Variants in PRMT9 observed in about 807,000 individuals in gnomAD.
The protein encoded by PRMT9 is protein arginine methyltransferase 9.
A neutral mutation model predicts 83.2 loss-of-function variants in PRMT9; 59 were observed. That is an observed-to-expected ratio of 0.71 (90% CI 0.57 to 0.88). The LOEUF (loss-of-function observed/expected upper bound fraction) is 0.88. Ranked by LOEUF, PRMT9 falls within the 40% of genes least tolerant of loss-of-function variation. PRMT9 has a pLI of 0.00. For synonymous variants in PRMT9, 333 were observed against 353.2 expected (o/e 0.94, Z 0.64); for missense variants, 947 against 1,021.9 (o/e 0.93, Z 1.00).
At chr4:147,648,433 GGCATGGAAGCC>G (rs1249570280) in intron 9 of PRMT9, among the ~76,000 whole-genome samples, 1 of 152,134 alleles carries the variant, frequency 6.6e-6, no homozygotes, top group Non-Finnish European at 1.5e-5. Flanking sequence ...GCCCAGAGAG[GGCATGGAAGCC>G]CCATGCCACT....
intron 4 of PRMT9, chr4:147,672,090 A>T (rs1476976128): frequency 3.1e-6 from 1 of 325,404 alleles, no homozygotes; most frequent in Non-Finnish European, 6.0e-6. Flanking sequence ...GGAACAAGAC[A>T]ACTGAGGACA....
At chr4:147,664,181 C>A (rs769439400) in intron 6 of PRMT9, among the ~76,000 whole-genome samples, 1 of 152,132 alleles carries the variant, frequency 6.6e-6, no homozygotes, top group African/African-American at 2.4e-5. Flanking sequence ...GTGGTGCACA[C>A]CTGTGGTTGG....
At chr4:147,656,059 T>C (rs1156944345) in intron 8 of PRMT9, among the ~76,000 whole-genome samples, 1 of 152,170 alleles carries the variant, frequency 6.6e-6, no homozygotes, top group Non-Finnish European at 1.5e-5. Flanking sequence ...CGTTTTTATA[T>C]ATGATACAAC....
intron 4 of PRMT9, among the ~76,000 whole-genome samples, chr4:147,671,392 ATTCT>A (rs1735721263): frequency 2.0e-5 from 3 of 152,172 alleles, no homozygotes; most frequent in African/African-American, 4.8e-5. Context: ...TCTTCTGTCC[ATTCT>A]TTCTTTCTAG....
At chr4:147,661,534 T>C (rs1054326649) in intron 6 of PRMT9, among the ~76,000 whole-genome samples, 3 of 152,100 alleles carry the variant, frequency 2.0e-5, no homozygotes, top group African/African-American at 7.2e-5. Flanking sequence ...CTCATGCCTG[T>C]AATCCCAGCA....
chr4:147,651,827 G>A (rs569545247), intron 9 of PRMT9, among the ~76,000 whole-genome samples: 1 of 152,272 alleles, frequency 6.6e-6, no homozygotes, highest in East Asian at 1.9e-4. Context: ...CAGGGTGGGA[G>A]GGGAGTATGG....
At position 147,681,215 on chromosome 4, in the gene PRMT9, T is replaced by C. The variant is rs544929243; in HGVS notation, c.190-744A>G. On this transcript the variant is annotated intron_variant, in intron 1 of 11. Transcript: ENST00000322396. ...ACACTGTTTCAAACCTAGCCAATGC[T>C]CTCTCAATATCTTTAAATCTGTTAC... Among the ~76,000 whole-genome samples the C allele has an allele frequency of 7.9e-5, 12 of 152,252 alleles. No individual in the cohort carries two copies. The South Asian group carries it at 1.2e-3, about 16-fold the overall frequency.
At chr4:147,664,692 G>A (rs1009926464) in intron 6 of PRMT9, among the ~76,000 whole-genome samples, 4 of 152,066 alleles carry the variant, frequency 2.6e-5, no homozygotes, top group Non-Finnish European at 4.4e-5. Flanking sequence ...TGCATGCGGG[G>A]CTTAAAACCT....
chr4:147,661,632 T>C (rs559532644), intron 6 of PRMT9, among the ~76,000 whole-genome samples: 12 of 151,744 alleles, frequency 7.9e-5, no homozygotes, highest in African/African-American at 2.7e-4. Flanking sequence ...CTACTAAAAA[T>C]ACAAAAGATT....
chr4:147,643,023 G>C, intron 9 of PRMT9, 83 bp from the exon 10 acceptor site: 2 of 1,258,548 alleles, frequency 1.6e-6, no homozygotes, highest in Non-Finnish European at 2.3e-6. Context: ...ACTTTGGGAG[G>C]CCAAGGTGGG....
chr4:147,643,143 T>C (rs564876398), intron 9 of PRMT9, among the ~76,000 whole-genome samples: 23 of 152,178 alleles, frequency 1.5e-4, no homozygotes, highest in African/African-American at 4.6e-4. Context: ...GGCATGCACC[T>C]GTAGTTCCAC....
chr4:147,639,003 T>A lies in PRMT9; in HGVS notation c.2279A>T (p.Asp760Val). 1.2e-6 allele frequency: 2 copies of A among 1,612,588 alleles called. No individual in the cohort carries two copies. The highest frequency in any genetic ancestry group is 1.7e-6 in the Non-Finnish European group (2 of 1,178,744). ...GGTGTTCAAATACGGAGTCATTAAA[T>A]CTAGTCTTAAGAGTTCCACTGGCTT... ...LSKPVELLRL[D>V]LMTPYLNTSN... The change falls in exon 11 of 12, where the codon GAT (aspartate) becomes GTT (valine). Residue 760 changes from aspartate to valine, a missense_variant. Physicochemically the swap from Asp to Val is radical, Grantham distance 152. Transcript: ENST00000322396.
At position 147,679,895 on chromosome 4, in the gene PRMT9, C is replaced by G. The variant is rs539570074; in HGVS notation, c.338+428G>C. Among the ~76,000 whole-genome samples the G allele has an allele frequency of 7.9e-5, 12 of 152,304 alleles. No homozygotes were observed. The South Asian group carries it at 2.3e-3, about 29-fold the overall frequency. ...TTCCCCAAGGCTTCTTACCCTACTA[C>G]ATGGTTTTGTAATGGAGTACCTCTG... On this transcript the variant is annotated intron_variant, in intron 2 of 11. Coordinates refer to ENST00000322396, the MANE Select transcript of PRMT9 (RefSeq NM_138364.4).
At chr4:147,663,646 G>A (rs985902612) in intron 6 of PRMT9, among the ~76,000 whole-genome samples, 4 of 152,152 alleles carry the variant, frequency 2.6e-5, no homozygotes, top group East Asian at 1.9e-4. Flanking sequence ...TATTAAAGGC[G>A]TGAGTCACTG....
rs991256374 is a variant in PRMT9, at chr4:147,668,531, A to T, written c.953+8T>A. 7 of 1,509,364 alleles carry T rather than the reference A, an allele frequency of 4.6e-6. No homozygotes were observed. In the Admixed American group the frequency reaches 8.4e-5, roughly 18 times the overall value. 93.5% of individuals were successfully genotyped at this position (1,509,364 alleles called of 1,614,324 possible). A position where few individuals can be genotyped will look rare whatever the true frequency, so the allele number is the denominator to read the frequency against. On this transcript the variant is annotated splice_region_variant and intron_variant, in intron 6 of 11. Coordinates refer to ENST00000322396, the MANE Select transcript of PRMT9 (RefSeq NM_138364.4). Reference sequence around the variant, plus strand: ...TATAGCAGTGTGAAAATGGACTAATACACTTACCTATGATGTCTTCTTATC... The same window carrying T: ...TATAGCAGTGTGAAAATGGACTAATTCACTTACCTATGATGTCTTCTTATC...
chr4:147,653,266 T>C (rs1454323740), intron 9 of PRMT9, among the ~76,000 whole-genome samples: 1 of 151,920 alleles, frequency 6.6e-6, no homozygotes, highest in African/African-American at 2.4e-5. Flanking sequence ...CTGACCAACA[T>C]GGTGAAACCC....
intron 4 of PRMT9, among the ~76,000 whole-genome samples, chr4:147,671,228 GGA>G (rs1242765125): frequency 6.6e-6 from 1 of 152,042 alleles, no homozygotes; most frequent in Non-Finnish European, 1.5e-5. Flanking sequence ...ACTGATTGCA[GGA>G]GAGAGCCCTC....
intron 6 of PRMT9, among the ~76,000 whole-genome samples, chr4:147,665,228 C>T (rs989247703): frequency 6.6e-6 from 1 of 152,030 alleles, no homozygotes; most frequent in Non-Finnish European, 1.5e-5. Context: ...TATAAATGCC[C>T]TGATCCTCAT....
At chr4:147,663,740 T>A (rs777384161) in intron 6 of PRMT9, among the ~76,000 whole-genome samples, 9 of 152,164 alleles carry the variant, frequency 5.9e-5, no homozygotes, top group Non-Finnish European at 1.3e-4. Flanking sequence ...TGGTAAAAAG[T>A]CCACCTTCAC....
Sources: gnomAD v4.1 joint callset for allele counts (sites outside exome capture counted in the v4.1 genomes callset) on GRCh38, gnomAD v4.1.1 for gene constraint, MANE v1.5 for transcripts, NCBI Gene and HGNC (gene_info 2026-07-23, HGNC 2026-07-21) for gene names.